The following PIEZO1 variants were observed in gnomAD, a reference collection of about 807,000 sequenced individuals.
The protein encoded by PIEZO1 is piezo type mechanosensitive ion channel component 1 (Er blood group).
PIEZO1 carries 296 observed loss-of-function variants against 297.2 expected under a neutral mutation model. The ratio of observed to expected loss-of-function variants is 1.00; its 90% CI spans 0.91 to 1.10. The LOEUF (loss-of-function observed/expected upper bound fraction) is 1.10. Among genes scored for constraint, PIEZO1 ranks in the 50% least tolerant of loss-of-function variants. PIEZO1 has a pLI of 0.00. For missense variants in PIEZO1, 5,018 were observed against 3,455.5 expected (o/e 1.45, Z -11.34); for synonymous variants, 2,427 against 1,507.5 (o/e 1.61, Z -14.13).
chr16:88,756,011 G>T (rs1906638302), intron 1 of PIEZO1, among the ~76,000 whole-genome samples: 1 of 152,234 alleles, frequency 6.6e-6, no homozygotes, highest in Admixed American at 6.5e-5. Flanking sequence ...AAGGACTGGG[G>T]CCTGGAGTCC....
chr16:88,719,500 G>C, intron 44 of PIEZO1, 74 bp downstream of exon 44: 1 of 1,408,622 alleles, frequency 7.1e-7, no homozygotes, highest in Non-Finnish European at 9.7e-7. Context: ...GGTTCTCGTG[G>C]CAGCAGTGCC....
intron 1 of PIEZO1, among the ~76,000 whole-genome samples, chr16:88,780,823 G>A (rs1418487082): frequency 6.6e-6 from 1 of 152,174 alleles, no homozygotes; most frequent in Non-Finnish European, 1.5e-5. Context: ...TAGGTATGGT[G>A]CTACACACCT....
chr16:88,728,060 C>T (rs77833936), intron 22 of PIEZO1, among the ~76,000 whole-genome samples: 110 of 152,404 alleles, frequency 7.2e-4, no homozygotes, highest in Non-Finnish European at 1.3e-3. Flanking sequence ...CAGCTGGGAA[C>T]GCGCTGCTCA....
intron 1 of PIEZO1, among the ~76,000 whole-genome samples, chr16:88,762,366 T>A (rs1180528743): frequency 6.6e-6 from 1 of 152,130 alleles, no homozygotes; most frequent in African/African-American, 2.4e-5. Context: ...CTGAGGTCAG[T>A]GATGGGCACT....
intron 2 of PIEZO1, among the ~76,000 whole-genome samples, chr16:88,749,020 A>C (rs11642589): frequency 6.7e-6 from 1 of 148,390 alleles, no homozygotes; most frequent in Non-Finnish European, 1.5e-5. Context: ...GGCGGATCAC[A>C]AGGTCAGGAG....
chr16:88,715,676 ACTCCTC>A lies in PIEZO1; in HGVS notation c.7489_7494del (p.Glu2497_Glu2498del). ...TAGAGGAAGATGAGCTTGGCGTACA[ACTCCTC>A]CTCCAGCTCCAGCTCCCGAGTCTCC... is the stretch of plus-strand genomic sequence containing the variant. On this transcript the variant is annotated inframe_deletion, in exon 51 of 51. Transcript: ENST00000301015. 1 of 1,549,806 alleles carries A rather than the reference ACTCCTC, an allele frequency of 6.5e-7. No individual in the cohort carries two copies. The highest frequency in any genetic ancestry group is 8.7e-7 in the Non-Finnish European group (1 of 1,146,826).
chr16:88,725,898 T>TA (rs1426137641), intron 27 of PIEZO1: 1 of 578,380 alleles, frequency 1.7e-6, no homozygotes, highest in African/African-American at 1.9e-5. Context: ...CAGGGGCGTC[T>TA]GGTGGCACCC....
rs182924576 is a variant in PIEZO1, at chr16:88,730,946, C to G, written c.3196+760G>C. On this transcript the variant is annotated intron_variant, in intron 22 of 50. Transcript: ENST00000301015. ...CACAAGGCTGACCCCACACAGCCCA[C>G]CAGTGCCAACAGGCTGGGTGCCACT... Among the ~76,000 whole-genome samples, 59 of 152,366 alleles carry G rather than the reference C, an allele frequency of 3.9e-4. No homozygotes were observed. The East Asian group carries it at 0.011, about 29-fold the overall frequency.
At chr16:88,723,056 A>G (rs1432787778) in intron 33 of PIEZO1, 39 bp downstream of exon 33, 5 of 1,545,010 alleles carry the variant, frequency 3.2e-6, no homozygotes, top group East Asian at 2.4e-5. Context: ...CTGTGGGGCC[A>G]AGAGAGACCT....
intron 1 of PIEZO1, among the ~76,000 whole-genome samples, chr16:88,767,155 A>T (rs1418306070): frequency 6.6e-6 from 1 of 151,896 alleles, no homozygotes; most frequent in Admixed American, 6.6e-5. Context: ...CTCTTCACTC[A>T]TCTCCCCATT....
chr16:88,772,522 T>C (rs1442502201), intron 1 of PIEZO1, among the ~76,000 whole-genome samples: 1 of 152,128 alleles, frequency 6.6e-6, no homozygotes, highest in African/African-American at 2.4e-5. Flanking sequence ...GGCTCACGCC[T>C]GTAATCCCAG....
chr16:88,764,078 T>TCC (rs1168055412), intron 1 of PIEZO1, among the ~76,000 whole-genome samples: 1 of 151,984 alleles, frequency 6.6e-6, no homozygotes, highest in African/African-American at 2.4e-5. Context: ...AGGGAAGGCT[T>TCC]CCCCGGGGGG....
At position 88,722,303 on chromosome 16, in the gene PIEZO1, C is replaced by A. The variant is rs773044098; in HGVS notation, c.4870G>T (p.Ala1624Ser). The change falls in exon 36 of 51, where the codon GCA becomes TCA. Residue 1624 changes from alanine (A) to serine (S), a missense_variant. Transcript: ENST00000301015. The stretch of plus-strand genomic sequence containing the variant: ...TCACGCTCCCCGGGGTCGGTGACTG[C>A]CTCCTCACTGCCACTGCGCGTGTGG... ...GYHTRSGSEEAVTDPGEREAG... is the reference protein window; with the variant it reads ...GYHTRSGSEESVTDPGEREAG... 6.5e-7 allele frequency: 1 copy of A among 1,547,970 alleles called. No homozygotes were observed. Among genetic ancestry groups the A allele is most frequent in the Non-Finnish European group, 8.7e-7 (1 of 1,146,434 alleles).
At chr16:88,777,810 G>A (rs963644873) in intron 1 of PIEZO1, among the ~76,000 whole-genome samples, 4 of 152,114 alleles carry the variant, frequency 2.6e-5, no homozygotes, top group Non-Finnish European at 4.4e-5. Flanking sequence ...CCAGACCTGG[G>A]GTCCTTGAGG....
rs780188942 is a variant in PIEZO1, at chr16:88,726,385, G to A, written c.3867C>T (p.Ser1289=). The A allele has an allele frequency of 3.0e-5, 47 of 1,550,266 alleles. No homozygotes were observed. The highest frequency in any genetic ancestry group is 8.3e-5 in the South Asian group (7 of 84,064). Residue 1289 remains serine (S), a synonymous_variant, in exon 27 of 51, where the codon AGC becomes AGT. Coordinates refer to ENST00000301015, the MANE Select transcript of PIEZO1 (RefSeq NM_001142864.4). ...GCAGCAGCAGGAAGAAGAAGCAGACGCTGTCCCAGATGATGCCAGCCTCCT... is the reference window on the plus strand; with the variant it reads ...GCAGCAGCAGGAAGAAGAAGCAGACACTGTCCCAGATGATGCCAGCCTCCT... ...PVEEAGIIWD[S]VCFFFLLLQR...
Position 88,721,925 on chromosome 16 carries a change from G to A in PIEZO1, c.5097C>T (p.His1699=), listed in dbSNP as rs1912489638. 1.3e-6 allele frequency: 2 copies of A among 1,550,206 alleles called. No individual in the cohort carries two copies. Among genetic ancestry groups the A allele is most frequent in the African/African-American group, 1.4e-5 (1 of 73,168 alleles). ...GCGAGCCGGCGGAGGCCGTGACCAT[G>A]TGGTTGAGGATGATGATGAAGTAGC... ...LLCYFIIILN[H]MVTASAGSLV... The change falls in exon 37 of 51, where the codon CAC becomes CAT. Residue 1699 remains histidine, a synonymous_variant. Coordinates refer to ENST00000301015, the MANE Select transcript of PIEZO1 (RefSeq NM_001142864.4).
Position 88,720,283 on chromosome 16 carries a change from T to G in PIEZO1, c.5950A>C (p.Lys1984Gln), listed in dbSNP as rs1316570501. ...IIIFGFWAFG[K>Q]HSAATDITSS... The stretch of plus-strand genomic sequence containing the variant: ...GTGATGTCTGTGGCCGCCGAGTGCT[T>G]CTGTGGCCAGGAGAGCACAGGTCAG... Residue 1984 changes from lysine (K) to glutamine (Q), a missense_variant and splice_region_variant, in exon 42 of 51, where the codon AAG becomes CAG. Physicochemically the swap from Lys to Gln is moderately conservative, Grantham distance 53. Transcript: ENST00000301015. The G allele has an allele frequency of 6.5e-7, 1 of 1,550,332 alleles. No individual in the cohort carries two copies. Among genetic ancestry groups the G allele is most frequent in the East Asian group, 2.4e-5 (1 of 40,922 alleles).
At chr16:88,724,586 T>C (rs1904314513) in intron 30 of PIEZO1, among the ~76,000 whole-genome samples, 1 of 150,506 alleles carries the variant, frequency 6.6e-6, no homozygotes, top group Non-Finnish European at 1.5e-5. Flanking sequence ...CTCAGTTACT[T>C]GGGAGGCTGA....
rs35015310 is a variant in PIEZO1 at position 88,719,831 on chromosome 16, G to A, written c.6294C>T (p.Tyr2098=). The change falls in exon 43 of 51, where the codon TAC becomes TAT. Residue 2098 remains tyrosine, a synonymous_variant. Transcript: ENST00000301015. ...RILGNFLTKK[Y]NHLNLFLFQG... Reference sequence around the variant, plus strand: ...GGAAGAGGAAGAGGTTGAGATGATTGTACTTCTTGGTGAGGAAGTTGCCGA... The same window carrying A: ...GGAAGAGGAAGAGGTTGAGATGATTATACTTCTTGGTGAGGAAGTTGCCGA... 2,601 of 1,550,584 alleles carry A rather than the reference G, an allele frequency of 1.7e-3. 40 individuals are homozygous for A. In the African/African-American group the frequency reaches 0.031, roughly 19 times the overall value.
Sources: allele counts gnomAD v4.1 joint callset (sites outside exome capture counted in the v4.1 genomes callset), GRCh38; gene constraint gnomAD v4.1.1; transcripts MANE v1.5; gene names NCBI Gene and HGNC (gene_info 2026-07-23, HGNC 2026-07-21).